GALNT13: variants seen among roughly 807,000 people sequenced by gnomAD.
The protein encoded by GALNT13 is UDP-GalNAc:polypeptide N-acetylgalactosaminyltransferase 13.
GALNT13 carries 28 observed loss-of-function variants against 64.2 expected under a neutral mutation model. The ratio of observed to expected loss-of-function variants is 0.44; its 90% CI spans 0.32 to 0.60. The LOEUF is 0.60. GALNT13 is among the 20% of genes least tolerant of loss of function. The pLI is 0.05. For synonymous variants in GALNT13, 214 were observed against 224.6 expected, an observed-to-expected ratio of 0.95 and a Z score of 0.42; for missense variants, 577 against 669.8, an observed-to-expected ratio of 0.86 and a Z score of 1.53.
intron 3 of GALNT13, among the ~76,000 whole-genome samples, chr2:154,011,043 A>G (rs1416035917): frequency 6.6e-6 from 1 of 151,928 alleles, no homozygotes; most frequent in Non-Finnish European, 1.5e-5. Context: ...TATTCCACAA[A>G]AACAAACTTT....
chr2:153,660,656 AT>A, the GALNT13 span, among the ~76,000 whole-genome samples: 20 of 151,762 alleles, frequency 1.3e-4, no homozygotes, highest in East Asian at 3.7e-3. Context: ...TTACAAGGCC[AT>A]TTTTCATTCA....
At chr2:153,565,502 A>AGT in the GALNT13 span, among the ~76,000 whole-genome samples, 72 of 151,732 alleles carry the variant, frequency 4.7e-4, no homozygotes, top group South Asian at 8.3e-4. Context: ...TTGTGTTTAT[A>AGT]GTGTGTGTGT....
the GALNT13 span, among the ~76,000 whole-genome samples, chr2:153,187,884 A>C: frequency 6.6e-6 from 1 of 152,162 alleles, no homozygotes; most frequent in East Asian, 1.9e-4. Context: ...AGGATAAGTC[A>C]TCATTACCAA....
At chr2:153,807,058 T>G in the GALNT13 span, among the ~76,000 whole-genome samples, 1 of 152,062 alleles carries the variant, frequency 6.6e-6, no homozygotes, top group Non-Finnish European at 1.5e-5. Flanking sequence ...TATCTGCGTG[T>G]TGGTTACAAA....
chr2:153,343,801 T>G, the GALNT13 span, among the ~76,000 whole-genome samples: 2 of 152,100 alleles, frequency 1.3e-5, no homozygotes, highest in African/African-American at 4.8e-5. Context: ...CCCCTCCCAA[T>G]AAGATTTCTA....
At chr2:154,241,944 A>T (rs1262020703) in intron 4 of GALNT13, 86 bp from the exon 5 acceptor site, 21 of 737,282 alleles carry the variant, frequency 2.8e-5, no homozygotes, top group Non-Finnish European at 1.0e-5. Context: ...TCAAGTCTGA[A>T]GTTGTGTTAT....
intron 9 of GALNT13, among the ~76,000 whole-genome samples, chr2:154,335,250 G>A (rs545365364): frequency 1.5e-4 from 23 of 151,884 alleles, no homozygotes; most frequent in African/African-American, 3.9e-4. Context: ...GACGAGTCAC[G>A]ATTTGACAGC....
chr2:153,441,129 G>A, the GALNT13 span, among the ~76,000 whole-genome samples: 2 of 152,236 alleles, frequency 1.3e-5, no homozygotes, highest in South Asian at 4.1e-4. Context: ...TTTGTATGAG[G>A]TGTAAGGAAG....
At chr2:153,450,343 C>T in the GALNT13 span, among the ~76,000 whole-genome samples, 3 of 151,964 alleles carry the variant, frequency 2.0e-5, no homozygotes, top group Non-Finnish European at 4.4e-5. Flanking sequence ...CCCCATCTTA[C>T]TCAACAAGTT....
chr2:153,895,592 A>G (rs1687834056), intron 1 of GALNT13, among the ~76,000 whole-genome samples: 1 of 152,140 alleles, frequency 6.6e-6, no homozygotes, highest in South Asian at 2.1e-4. Context: ...AAGTTGGGGC[A>G]TCAGCAGGCA....
chr2:153,603,203 G>A, the GALNT13 span, among the ~76,000 whole-genome samples: 2 of 151,932 alleles, frequency 1.3e-5, no homozygotes, highest in East Asian at 3.9e-4. Context: ...TGGGAAGTAT[G>A]TTTTAAGGAA....
chr2:153,504,293 T>G, the GALNT13 span, among the ~76,000 whole-genome samples: 1 of 152,198 alleles, frequency 6.6e-6, no homozygotes, highest in African/African-American at 2.4e-5. Context: ...GATGAGTCTT[T>G]AGAGCTTTCT....
the GALNT13 span, among the ~76,000 whole-genome samples, chr2:153,487,914 G>C: frequency 6.6e-6 from 1 of 152,124 alleles, no homozygotes; most frequent in Non-Finnish European, 1.5e-5. Context: ...ACACATTGAA[G>C]GGCTTTAAGC....
the GALNT13 span, among the ~76,000 whole-genome samples, chr2:153,122,178 G>C: frequency 6.6e-6 from 1 of 151,852 alleles, no homozygotes; most frequent in African/African-American, 2.4e-5. Flanking sequence ...AGTTCCTCTA[G>C]AATGAGGTAT....
At chr2:153,418,008 T>C in the GALNT13 span, among the ~76,000 whole-genome samples, 1 of 152,152 alleles carries the variant, frequency 6.6e-6, no homozygotes, top group Admixed American at 6.5e-5. Flanking sequence ...CAAGAGAGAA[T>C]GTGGTAGGCA....
chr2:153,569,198 T>A, the GALNT13 span, among the ~76,000 whole-genome samples: 1 of 152,196 alleles, frequency 6.6e-6, no homozygotes, highest in Non-Finnish European at 1.5e-5. Flanking sequence ...AGAATTTAAC[T>A]TATTCTATAT....
At chr2:153,269,299 C>T in the GALNT13 span, among the ~76,000 whole-genome samples, 1 of 152,156 alleles carries the variant, frequency 6.6e-6, no homozygotes. Context: ...TTTCTTCCTC[C>T]AGATACCCTA....
chr2:153,327,888 A>T, the GALNT13 span, among the ~76,000 whole-genome samples: 4 of 151,906 alleles, frequency 2.6e-5, no homozygotes, highest in Admixed American at 6.6e-5. Context: ...TGATTTTTGA[A>T]ATTTTCAGCC....
the GALNT13 span, among the ~76,000 whole-genome samples, chr2:153,146,358 T>G: frequency 6.6e-6 from 1 of 151,828 alleles, no homozygotes; most frequent in Non-Finnish European, 1.5e-5. Flanking sequence ...TACATCCAGC[T>G]TTAATCTAAC....
Sources: allele counts gnomAD v4.1 joint callset (sites outside exome capture counted in the v4.1 genomes callset), GRCh38; gene constraint gnomAD v4.1.1; transcripts MANE v1.5; gene names NCBI Gene and HGNC (gene_info 2026-07-23, HGNC 2026-07-21).